Variants in ADCY9 observed in about 807,000 individuals in gnomAD.
The protein encoded by ADCY9 is adenylate cyclase 9.
Under a neutral mutation model 101.5 loss-of-function variants are expected in ADCY9, and 50 were observed. The observed-to-expected ratio is 0.49, with a 90% CI of 0.39 to 0.62. ADCY9 has a LOEUF of 0.62. ADCY9 is among the 20% of genes least tolerant of loss of function. The pLI, the probability that ADCY9 is intolerant of heterozygous loss-of-function variation, is 0.00. For synonymous variants in ADCY9, 905 were observed against 769.3 expected (o/e 1.18, Z -2.92); for missense variants, 1,662 against 1,800.4 (o/e 0.92, Z 1.39).
intron 2 of ADCY9, among the ~76,000 whole-genome samples, chr16:4,028,397 A>G (rs1369283263): frequency 2.0e-5 from 3 of 152,164 alleles, no homozygotes; most frequent in African/African-American, 7.2e-5. Flanking sequence ...TGATATATCC[A>G]CACCACCGAA....
chr16:4,069,557 C>T (rs2056820935), intron 2 of ADCY9, among the ~76,000 whole-genome samples: 1 of 152,032 alleles, frequency 6.6e-6, no homozygotes, highest in Non-Finnish European at 1.5e-5. Flanking sequence ...GGAATATATT[C>T]TATCAGGGTG....
At chr16:4,019,935 G>A (rs113956162) in intron 2 of ADCY9, among the ~76,000 whole-genome samples, 11 of 152,132 alleles carry the variant, frequency 7.2e-5, no homozygotes, top group Admixed American at 2.0e-4. Context: ...AAAATTAACC[G>A]GGCGTGGTGG....
intron 2 of ADCY9, among the ~76,000 whole-genome samples, chr16:4,095,055 T>C (rs1007988257): frequency 6.8e-6 from 1 of 147,980 alleles, no homozygotes. Flanking sequence ...TAGGCTGGAG[T>C]GCAATGGCGC....
At position 4,060,098 on chromosome 16, in the gene ADCY9, G is replaced by T. The variant is rs537063601; in HGVS notation, c.1694-52540C>A. Among the ~76,000 whole-genome samples the T allele has an allele frequency of 2.0e-5, 3 of 152,248 alleles. No homozygotes were observed. The East Asian group carries it at 5.8e-4, about 29-fold the overall frequency. ...TGACTTGATTTGGAGGAGAGCACAT[G>T]CCCAAAGGCACTGACATAAACCACG... On this transcript the variant is annotated intron_variant, in intron 2 of 10. Coordinates refer to ENST00000294016, the MANE Select transcript of ADCY9 (RefSeq NM_001116.4).
At chr16:4,045,942 T>A (rs1195229096) in intron 2 of ADCY9, among the ~76,000 whole-genome samples, 1 of 140,202 alleles carries the variant, frequency 7.1e-6, no homozygotes, top group Non-Finnish European at 1.5e-5. Flanking sequence ...ACTCCTAGGC[T>A]CAAGCGATCC....
chr16:4,087,829 C>T lies in ADCY9; in HGVS notation c.1693+25921G>A, dbSNP rs778835826. Among the ~76,000 whole-genome samples the T allele has an allele frequency of 1.5e-5, 2 of 135,400 alleles. 1 individual carries two copies. The highest frequency in any genetic ancestry group is 3.0e-5 in the Non-Finnish European group (2 of 66,886). The allele number at this position is 135,400 out of a possible 152,430, so 88.8% of individuals were successfully genotyped here. A position where few individuals can be genotyped will look rare whatever the true frequency, so the allele number is the denominator to read the frequency against. ...TTATTTTCTTTCTTTCTCTCTCTCT[C>T]TTCCTTCCTTCCTTCTTTCTCTTTT... On this transcript the variant is annotated intron_variant, in intron 2 of 10. Transcript: ENST00000294016.
At chr16:4,090,565 G>A (rs1201834894) in intron 2 of ADCY9, among the ~76,000 whole-genome samples, 1 of 152,072 alleles carries the variant, frequency 6.6e-6, no homozygotes, top group Non-Finnish European at 1.5e-5. Flanking sequence ...TCCGAAGCCA[G>A]CCAGCAGGCA....
intron 2 of ADCY9, among the ~76,000 whole-genome samples, chr16:4,028,061 TATTAA>T (rs1015517587): frequency 6.2e-4 from 94 of 151,924 alleles, no homozygotes; most frequent in Non-Finnish European, 1.2e-4. Flanking sequence ...AGCCAAATCA[TATTAA>T]AAGGTCAACC....
intron 2 of ADCY9, among the ~76,000 whole-genome samples, chr16:4,073,313 C>G (rs577399211): frequency 4.1e-4 from 63 of 152,110 alleles, no homozygotes; most frequent in African/African-American, 1.5e-3. Flanking sequence ...TCTCCAACTC[C>G]TGGCCTCAAG....
chr16:4,029,826 G>A (rs543203782), intron 2 of ADCY9, among the ~76,000 whole-genome samples: 1 of 152,294 alleles, frequency 6.6e-6, no homozygotes, highest in East Asian at 1.9e-4. Context: ...GTGTAAGAAA[G>A]CTGAACAGGC....
At chr16:4,103,024 T>C (rs558596418) in intron 2 of ADCY9, among the ~76,000 whole-genome samples, 2 of 152,330 alleles carry the variant, frequency 1.3e-5, no homozygotes, top group Non-Finnish European at 2.9e-5. Context: ...CAGCTCGAAG[T>C]TGATGGTCTT....
chr16:4,027,139 A>G (rs1046069067), intron 2 of ADCY9, among the ~76,000 whole-genome samples: 3 of 152,214 alleles, frequency 2.0e-5, no homozygotes, highest in African/African-American at 4.8e-5. Flanking sequence ...ACCAATGGTA[A>G]ACCTCTACAG....
At chr16:4,068,344 A>C (rs1367232154) in intron 2 of ADCY9, among the ~76,000 whole-genome samples, 1 of 152,070 alleles carries the variant, frequency 6.6e-6, no homozygotes, top group Non-Finnish European at 1.5e-5. Flanking sequence ...ACAAAGCAAA[A>C]AAAATATTAG....
chr16:4,050,353 G>A (rs78713682), intron 2 of ADCY9, among the ~76,000 whole-genome samples: 3,265 of 152,212 alleles, frequency 0.021, 129 homozygotes, highest in African/African-American at 0.075. Context: ...AACTACAAAC[G>A]CATGTGTGCC....
chr16:3,955,195 G>A (rs1027444534), intron 5 of ADCY9, among the ~76,000 whole-genome samples: 11 of 151,676 alleles, frequency 7.3e-5, no homozygotes, highest in South Asian at 4.2e-4. Context: ...CCAAAATTAC[G>A]TCAAAAATTG....
chr16:3,956,318 G>A (rs1458000005), intron 5 of ADCY9, among the ~76,000 whole-genome samples: 1 of 151,852 alleles, frequency 6.6e-6, no homozygotes, highest in African/African-American at 2.4e-5. Flanking sequence ...CTAAGTGCCT[G>A]AAATACTAGA....
At chr16:4,016,551 T>TTCATCCGTAGAATGAATGA (rs2056439958) in intron 2 of ADCY9, among the ~76,000 whole-genome samples, 1 of 151,968 alleles carries the variant, frequency 6.6e-6, no homozygotes, top group Non-Finnish European at 1.5e-5. Flanking sequence ...TTCTAAGAGG[T>TTCATCCGTAGAATGAATGA]GCTGATTCAA....
chr16:4,055,700 G>A (rs954901388), intron 2 of ADCY9, among the ~76,000 whole-genome samples: 3 of 152,146 alleles, frequency 2.0e-5, no homozygotes, highest in East Asian at 1.9e-4. Context: ...CAGGCGTGGC[G>A]CCGGGCGCCT....
chr16:3,999,801 T>C (rs2056317282), intron 3 of ADCY9, among the ~76,000 whole-genome samples: 1 of 152,184 alleles, frequency 6.6e-6, no homozygotes, highest in Non-Finnish European at 1.5e-5. Context: ...CTAACACACT[T>C]GGGCACATTT....
Sources: gnomAD v4.1 joint callset for allele counts (sites outside exome capture counted in the v4.1 genomes callset) on GRCh38, gnomAD v4.1.1 for gene constraint, MANE v1.5 for transcripts, NCBI Gene and HGNC (gene_info 2026-07-23, HGNC 2026-07-21) for gene names.